ATP8B4: variants seen among roughly 807,000 people sequenced by gnomAD.
The protein encoded by ATP8B4 is ATPase phospholipid transporting 8B4 (putative), also known as probable phospholipid-transporting ATPase IM.
In ATP8B4, 133 loss-of-function variants were observed where a neutral mutation model predicts 145.6. That is an observed-to-expected ratio of 0.91 (90% CI 0.79 to 1.05). ATP8B4 has a LOEUF of 1.05. Among genes scored for constraint, ATP8B4 ranks in the 50% least tolerant of loss-of-function variants. The pLI is 0.00. For missense variants in ATP8B4, 1,458 were observed against 1,425.2 expected (o/e 1.02, Z -0.37); for synonymous variants, 507 against 492.9 (o/e 1.03, Z -0.38).
chr15:50,106,733 G>A (rs572179989), intron 2 of ATP8B4, among the ~76,000 whole-genome samples: 3 of 152,102 alleles, frequency 2.0e-5, no homozygotes, highest in Non-Finnish European at 4.4e-5. Flanking sequence ...GAGCACAAGG[G>A]AACTTTCTGG....
At chr15:50,115,722 T>C (rs1173212475) in intron 1 of ATP8B4, among the ~76,000 whole-genome samples, 1 of 152,076 alleles carries the variant, frequency 6.6e-6, no homozygotes, top group Non-Finnish European at 1.5e-5. Context: ...ATTGTCCTCA[T>C]TGTCACTGCC....
At chr15:50,047,275 T>G in intron 4 of ATP8B4, 76 bp downstream of exon 4, 2 of 903,132 alleles carry the variant, frequency 2.2e-6, no homozygotes, top group Non-Finnish European at 3.5e-6. Context: ...TTTAGCTAAG[T>G]AAATTGACTT....
At chr15:49,878,536 A>C (rs1239562409) in intron 24 of ATP8B4, among the ~76,000 whole-genome samples, 1 of 152,224 alleles carries the variant, frequency 6.6e-6, no homozygotes, top group Admixed American at 6.5e-5. Context: ...TTTAAAAAAC[A>C]AAAAGTCTTT....
chr15:50,180,284 T>C (rs1363663512), intron 1 of ATP8B4, among the ~76,000 whole-genome samples: 2 of 152,090 alleles, frequency 1.3e-5, no homozygotes, highest in Non-Finnish European at 2.9e-5. Context: ...GCAGCCATCT[T>C]TGGACAAAAA....
intron 1 of ATP8B4, among the ~76,000 whole-genome samples, chr15:50,151,680 GT>G (rs373377095): frequency 9.9e-4 from 145 of 145,878 alleles, no homozygotes; most frequent in African/African-American, 3.4e-3. Context: ...AGCCCAGGAT[GT>G]GGAGGCAGCA....
rs572144565 is a variant in ATP8B4 at position 50,107,633 on chromosome 15, C to T, written c.-42-625G>A. On this transcript the variant is annotated intron_variant, in intron 1 of 27. Transcript: ENST00000284509. ...GAAGGAGCAAACAAGTAATTTCAAA[C>T]ATTCAAAACCCAAAAGACCAAGGAA... Among the ~76,000 whole-genome samples, 12 of 152,248 alleles carry T rather than the reference C, an allele frequency of 7.9e-5. No individual in the cohort carries two copies. In the South Asian group the frequency reaches 2.5e-3, roughly 32 times the overall value.
In ATP8B4 at chr15:49,860,243, G is replaced by A; in HGVS notation, c.3530C>T (p.Thr1177Ile). The change falls in exon 28 of 28, where the codon ACC (threonine) becomes ATC (isoleucine). Residue 1177 changes from threonine to isoleucine, a missense_variant. Transcript: ENST00000284509. Reference protein sequence around the residue: ...TSWIENLCKKTTDTVSSFSQD... With the variant: ...TSWIENLCKKITDTVSSFSQD... ...GCTAAAGCTGCTCACGGTGTCTGTG[G>A]TTTTCTTACATAAATTTTCAATCCA... is the stretch of plus-strand genomic sequence containing the variant. The A allele has an allele frequency of 1.2e-6, 2 of 1,614,106 alleles. No homozygotes were observed. Among genetic ancestry groups the A allele is most frequent in the Non-Finnish European group, 1.7e-6 (2 of 1,179,992 alleles).
At chr15:49,893,891 C>A (rs2037102019) in intron 23 of ATP8B4, among the ~76,000 whole-genome samples, 1 of 152,150 alleles carries the variant, frequency 6.6e-6, no homozygotes, top group African/African-American at 2.4e-5. Flanking sequence ...AACATTTAGA[C>A]AATGCCTGAA....
intron 12 of ATP8B4, among the ~76,000 whole-genome samples, chr15:49,978,127 T>A (rs562210904): frequency 6.6e-6 from 1 of 152,346 alleles, no homozygotes; most frequent in Non-Finnish European, 1.5e-5. Context: ...AAAGAAAGAA[T>A]GTATACATAA....
At chr15:49,915,597 CAATTT>C (rs2039658791) in intron 20 of ATP8B4, among the ~76,000 whole-genome samples, 1 of 151,876 alleles carries the variant, frequency 6.6e-6, no homozygotes, top group Non-Finnish European at 1.5e-5. Context: ...TATTGTATAT[CAATTT>C]AAAGAGTCAA....
At chr15:49,964,434 G>A (rs2044351557) in intron 13 of ATP8B4, among the ~76,000 whole-genome samples, 1 of 152,080 alleles carries the variant, frequency 6.6e-6, no homozygotes, top group South Asian at 2.1e-4. Flanking sequence ...AATTGCCTAA[G>A]AAGATAATAT....
chr15:50,156,065 AATAAAT>A (rs1567410367), intron 1 of ATP8B4, among the ~76,000 whole-genome samples: 3 of 21,336 alleles, frequency 1.4e-4, no homozygotes, highest in Non-Finnish European at 3.5e-4. Context: ...GTAATAAATA[AATAAAT>A]AAATATATAT....
upstream of ATP8B4, among the ~76,000 whole-genome samples, chr15:50,122,584 T>C (rs1383231337): frequency 6.6e-6 from 1 of 152,160 alleles, no homozygotes; most frequent in Admixed American, 6.5e-5. Context: ...ATTGAGTTGA[T>C]TGAAATGTCA....
intron 8 of ATP8B4, among the ~76,000 whole-genome samples, chr15:49,999,157 G>A (rs2153558369): frequency 6.6e-6 from 1 of 152,020 alleles, no homozygotes; most frequent in East Asian, 1.9e-4. Context: ...ATGATAGATT[G>A]GATTAAGAAA....
At chr15:50,115,600 A>G (rs572473155) in intron 1 of ATP8B4, among the ~76,000 whole-genome samples, 1 of 152,070 alleles carries the variant, frequency 6.6e-6, no homozygotes, top group East Asian at 1.9e-4. Context: ...AGGTTTGCGG[A>G]GCAGTGATAG....
intron 14 of ATP8B4, among the ~76,000 whole-genome samples, chr15:49,945,105 TCAGA>T (rs1448815044): frequency 6.6e-6 from 1 of 151,984 alleles, no homozygotes; most frequent in Non-Finnish European, 1.5e-5. Context: ...AAGAACGATC[TCAGA>T]CAATTTAATT....
At chr15:50,088,344 T>A (rs1042156107) in intron 2 of ATP8B4, among the ~76,000 whole-genome samples, 6 of 143,208 alleles carry the variant, frequency 4.2e-5, no homozygotes, top group African/African-American at 1.3e-4. Context: ...AGACTCCCTC[T>A]AAAAAAAAAA....
chr15:49,931,113 C>T lies in ATP8B4; in HGVS notation c.1642+6G>A, dbSNP rs369314510. The T allele has an allele frequency of 1.5e-4, 247 of 1,606,150 alleles. 1 individual carries two copies. The African/African-American group carries it at 2.9e-3, about 19-fold the overall frequency. On this transcript the variant is annotated splice_donor_region_variant and intron_variant, in intron 16 of 27. Coordinates refer to ENST00000284509, the MANE Select transcript of ATP8B4 (RefSeq NM_024837.4). ...GATCAAAAATAGTCTTAGCTACCAA[C>T]CATACCTATGACAGACATCCTTTTT...
In ATP8B4 at chr15:49,950,619, CA is replaced by C. The variant is rs748025885; in HGVS notation, c.1287+11357del. ...AAAAAAAAACAAACAAACAAACAAACAAAAAAAACAACAACAACAACAAAAA... is the reference window on the plus strand; with the variant it reads ...AAAAAAAAACAAACAAACAAACAAACAAAAAAACAACAACAACAACAAAAA... On this transcript the variant is annotated intron_variant, in intron 14 of 27. Coordinates refer to ENST00000284509, the MANE Select transcript of ATP8B4 (RefSeq NM_024837.4). Among the ~76,000 whole-genome samples, 19 of 109,970 alleles carry C rather than the reference CA, an allele frequency of 1.7e-4. 1 individual carries two copies. The highest frequency in any genetic ancestry group is 6.9e-4 in the African/African-American group (18 of 25,926). The allele number at this position is 109,970 out of a possible 152,430, so 72.1% of individuals were successfully genotyped here.
Sources: gnomAD v4.1 joint callset for allele counts (sites outside exome capture counted in the v4.1 genomes callset) on GRCh38, gnomAD v4.1.1 for gene constraint, MANE v1.5 for transcripts, NCBI Gene and HGNC (gene_info 2026-07-23, HGNC 2026-07-21) for gene names.